FAAP100: variants seen among roughly 807,000 people sequenced by gnomAD.
FAAP100 encodes the protein Fanconi anemia core complex-associated protein 100.
Under a neutral mutation model 65.8 loss-of-function variants are expected in FAAP100, and 46 were observed. The ratio of observed to expected loss-of-function variants is 0.70; its 90% CI spans 0.55 to 0.89. FAAP100 has a LOEUF of 0.89. FAAP100 is among the 40% of genes least tolerant of loss of function. The pLI, the probability that FAAP100 is intolerant of heterozygous loss-of-function variation, is 0.00. For missense variants in FAAP100, 1,165 were observed against 1,196.7 expected (o/e 0.97, Z 0.39); for synonymous variants, 663 against 555.1 (o/e 1.19, Z -2.73).
At chr17:81,552,485 C>G (rs1262117552), upstream of FAAP100, 3 of 657,194 alleles carry the variant, frequency 4.6e-6, no homozygotes, top group Non-Finnish European at 6.5e-6. Flanking sequence ...TGCAGGGACT[C>G]CGGGAGCTGG....
intron 6 of FAAP100, among the ~76,000 whole-genome samples, chr17:81,545,464 T>A (rs1342515101): frequency 6.6e-6 from 1 of 152,196 alleles, no homozygotes; most frequent in Non-Finnish European, 1.5e-5. Flanking sequence ...GGCAGCACTG[T>A]GGAACCCGCT....
At position 81,552,310 on chromosome 17, in the gene FAAP100, C is replaced by A. The variant is rs372449520; in HGVS notation, c.21G>T (p.Arg7=). Residue 7 remains arginine, a synonymous_variant, in exon 1 of 9, where the codon CGG becomes CGT. Transcript: ENST00000327787. MAGAAP[R]VRYLAGFCCP... is the part of the protein sequence containing the mutation. The stretch of plus-strand genomic sequence containing the variant: ...AGCAGAAGCCCGCCAGGTAGCGGAC[C>A]CGCGGCGCGGCGCCGGCCATCGTGC... 561 of 1,418,854 alleles carry A rather than the reference C, an allele frequency of 4.0e-4. No homozygotes were observed. The African/African-American group carries it at 7.8e-3, about 20-fold the overall frequency. The allele number at this position is 1,418,854 out of a possible 1,614,324, so 87.9% of individuals were successfully genotyped here. A position where few individuals can be genotyped will look rare whatever the true frequency, so the allele number is the denominator to read the frequency against.
chr17:81,543,434 G>C (rs193302807), intron 7 of FAAP100, among the ~76,000 whole-genome samples: 117 of 152,308 alleles, frequency 7.7e-4, no homozygotes, highest in African/African-American at 2.6e-3. Context: ...CCGCGGGCAC[G>C]AGCTTAGACT....
chr17:81,540,467 C>G lies in FAAP100; in HGVS notation c.*352G>C. On this transcript the variant is annotated 3_prime_UTR_variant, in exon 9 of 9. Transcript: ENST00000327787. ...TCTGGCCCTCCGGGTCCAGAATGCCCTGCACTGCCTCCTGGCCTCAGGGGC... is the reference window on the plus strand; with the variant it reads ...TCTGGCCCTCCGGGTCCAGAATGCCGTGCACTGCCTCCTGGCCTCAGGGGC... 2.5e-6 allele frequency: 1 copy of G among 406,810 alleles called. No individual in the cohort carries two copies. The highest frequency in any genetic ancestry group is 4.3e-6 in the Non-Finnish European group (1 of 230,622). The allele number at this position is 406,810 out of a possible 1,614,324, so 25.2% of individuals were successfully genotyped here.
At position 81,547,339 on chromosome 17, in the gene FAAP100, C is replaced by T. The variant is rs149734082; in HGVS notation, c.1743G>A (p.Thr581=). Residue 581 remains threonine, a synonymous_variant, in exon 5 of 9, where the codon ACG becomes ACA. Transcript: ENST00000327787. ...CGTTCTCACCAGGGCCCAGGGGTAG[C>T]GTCACCTCCCGCCGAGCACCGGGGC... The part of the protein sequence containing the change: ...QLGPGARREV[T]LPLGPGENGG... 139 of 1,612,634 alleles carry T rather than the reference C, an allele frequency of 8.6e-5. No homozygotes were observed. In the African/African-American group the frequency reaches 1.5e-3, roughly 18 times the overall value.
At chr17:81,541,873 A>G (rs1222411286) in intron 7 of FAAP100, among the ~76,000 whole-genome samples, 4 of 152,264 alleles carry the variant, frequency 2.6e-5, no homozygotes, top group East Asian at 1.9e-4. Flanking sequence ...GCTTGGATCT[A>G]AATTCCCAGA....
At chr17:81,541,671 A>G (rs1016473520) in intron 7 of FAAP100, among the ~76,000 whole-genome samples, 24 of 152,220 alleles carry the variant, frequency 1.6e-4, no homozygotes, top group Non-Finnish European at 2.1e-4. Flanking sequence ...CCTGTCCCCA[A>G]GAGCCACACT....
chr17:81,547,663 C>T lies in FAAP100; in HGVS notation c.1419G>A (p.Lys473=). 6.2e-7 allele frequency: 1 copy of T among 1,610,568 alleles called. No homozygotes were observed. Among genetic ancestry groups the T allele is most frequent in the Non-Finnish European group, 8.5e-7 (1 of 1,178,036 alleles). The stretch of plus-strand genomic sequence containing the variant: ...CCTTGTTCCGCTGGTCAACCGCCTT[C>T]TTTAGAAAAGACACTCTGCGAAGGA... ...GNISERVSFL[K]KAVDQRNKAL... is the part of the protein sequence containing the mutation. Residue 473 remains lysine, a synonymous_variant, in exon 5 of 9, where the codon AAG becomes AAA. Coordinates refer to ENST00000327787, the MANE Select transcript of FAAP100 (RefSeq NM_025161.6).
intron 6 of FAAP100, among the ~76,000 whole-genome samples, chr17:81,544,387 G>A (rs1291449574): frequency 1.3e-5 from 2 of 152,218 alleles, no homozygotes; most frequent in Non-Finnish European, 2.9e-5. Flanking sequence ...TCAGACCTGT[G>A]GAATTCACGC....
At chr17:81,545,592 C>T (rs537157371) in intron 6 of FAAP100, among the ~76,000 whole-genome samples, 154 bp downstream of exon 6, 1 of 152,134 alleles carries the variant, frequency 6.6e-6, no homozygotes, top group African/African-American at 2.4e-5. Context: ...CTGCTTGGTG[C>T]GAGGGGAAAC....
At position 81,549,571 on chromosome 17, in the gene FAAP100, C is replaced by T. The variant is rs182877166; in HGVS notation, c.1247-209G>A. Among the ~76,000 whole-genome samples the T allele has an allele frequency of 9.1e-4, 138 of 152,378 alleles. 1 individual carries two copies. The highest frequency in any genetic ancestry group is 3.1e-3 in the African/African-American group (130 of 41,590). ...GAGCCACGCCATCTCTGATCCCACC[C>T]GTAGCCCTCTCTTCCGCAGTGGAGA... is the stretch of plus-strand genomic sequence containing the variant. On this transcript the variant is annotated intron_variant, in intron 3 of 8. Coordinates refer to ENST00000327787, the MANE Select transcript of FAAP100 (RefSeq NM_025161.6).
At chr17:81,541,442 G>GC in intron 7 of FAAP100, 47 bp from the exon 8 acceptor site, 1 of 1,504,640 alleles carries the variant, frequency 6.6e-7, no homozygotes, top group Non-Finnish European at 9.1e-7. Flanking sequence ...CCCAGCACCT[G>GC]CCCCCACACC....
At chr17:81,552,809 G>A (rs929169482), upstream of FAAP100, among the ~76,000 whole-genome samples, 2 of 152,202 alleles carry the variant, frequency 1.3e-5, no homozygotes, top group African/African-American at 4.8e-5. Flanking sequence ...GGCAGCGCCG[G>A]CTCTTGTCGT....
chr17:81,547,699 C>T (rs763503430), intron 4 of FAAP100, 21 bp from the exon 5 acceptor site: 3 of 1,605,178 alleles, frequency 1.9e-6, no homozygotes, highest in Admixed American at 1.7e-5. Flanking sequence ...CAGACATGAC[C>T]CCCGGGAGCG....
chr17:81,551,297 G>A lies in FAAP100; in HGVS notation c.291-94C>T, dbSNP rs1206596624. ...CTGGCATGGAGTAGTCTGGCTCAGG[G>A]GTTCCCGCAGTGACCCCCAAGGCCG... On this transcript the variant is annotated intron_variant, in intron 2 of 8. Coordinates refer to ENST00000327787, the MANE Select transcript of FAAP100 (RefSeq NM_025161.6). 3.1e-6 allele frequency: 4 copies of A among 1,289,268 alleles called. No individual in the cohort carries two copies. In the African/African-American group the frequency reaches 4.5e-5, roughly 15 times the overall value. 79.9% of individuals were successfully genotyped at this position (1,289,268 alleles called of 1,614,324 possible). A position where few individuals can be genotyped will look rare whatever the true frequency, so the allele number is the denominator to read the frequency against.
At chr17:81,545,995 C>T in intron 5 of FAAP100, 113 bp from the exon 6 acceptor site, 1 of 1,357,822 alleles carries the variant, frequency 7.4e-7, no homozygotes, top group Non-Finnish European at 9.8e-7. Context: ...CCAGAGCCAT[C>T]TAAGCATCCC....
chr17:81,541,165 G>T, intron 8 of FAAP100, 144 bp downstream of exon 8: 3 of 1,108,460 alleles, frequency 2.7e-6, no homozygotes, highest in East Asian at 2.6e-5. Context: ...AGCCATGGCC[G>T]CTCGGACTTT....
intron 2 of FAAP100, chr17:81,551,718 T>G: frequency 7.5e-7 from 1 of 1,337,864 alleles, no homozygotes; most frequent in Non-Finnish European, 9.5e-7. Flanking sequence ...CTTAACCATG[T>G]GAACCCCACT....
chr17:81,550,597 C>A lies in FAAP100; in HGVS notation c.897G>T (p.Glu299Asp), dbSNP rs1051333449. ...GCACATCCTCGTCAGGCAGAAAATT[C>A]TCTGCAGCTTCTGCAGCCTGTGGCT... ...KTEPQAAEAAENFLPDEDVHC... is the reference protein window; with the variant it reads ...KTEPQAAEAADNFLPDEDVHC... The change falls in exon 3 of 9, where the codon GAG becomes GAT. Residue 299 changes from glutamate (E) to aspartate (D), a missense_variant. Transcript: ENST00000327787. The A allele has an allele frequency of 1.2e-6, 2 of 1,612,986 alleles. No homozygotes were observed. The highest frequency in any genetic ancestry group is 2.2e-5 in the South Asian group (2 of 91,088).
Sources: gnomAD v4.1 joint callset for allele counts (sites outside exome capture counted in the v4.1 genomes callset) on GRCh38, gnomAD v4.1.1 for gene constraint, MANE v1.5 for transcripts, NCBI Gene and HGNC (gene_info 2026-07-23, HGNC 2026-07-21) for gene names.